PRR16: variants seen among roughly 807,000 people sequenced by gnomAD.
The protein encoded by PRR16 is proline rich 16, also known as protein Largen.
Under a neutral mutation model 18.2 loss-of-function variants are expected in PRR16, and 6 were observed. That is an observed-to-expected ratio of 0.33 (90% confidence interval 0.18 to 0.65). The LOEUF (loss-of-function observed/expected upper bound fraction) is 0.65. PRR16 is among the 30% of genes least tolerant of loss of function. PRR16 has a pLI of 0.74. For synonymous variants in PRR16, 151 were observed against 147.8 expected (o/e 1.02, Z -0.16); for missense variants, 412 against 376.6 (o/e 1.09, Z -0.78).
At chr5:120,765,420 T>G in the PRR16 span, among the ~76,000 whole-genome samples, 4 of 152,050 alleles carry the variant, frequency 2.6e-5, no homozygotes, top group African/African-American at 9.7e-5. Context: ...ATAAATCAGC[T>G]TAAGCAGATT....
chr5:120,473,495 A>G (rs1010781232), intron 1 of PRR16, among the ~76,000 whole-genome samples: 1 of 152,130 alleles, frequency 6.6e-6, no homozygotes. Context: ...GGCGATAGTG[A>G]CAGTGTTATG....
At chr5:120,635,613 A>G (rs1755201414) in intron 1 of PRR16, among the ~76,000 whole-genome samples, 1 of 152,182 alleles carries the variant, frequency 6.6e-6, no homozygotes, top group Non-Finnish European at 1.5e-5. Flanking sequence ...CAGAAGGGAC[A>G]TACCTTAAGG....
chr5:120,733,887 T>C, the PRR16 span, among the ~76,000 whole-genome samples: 1 of 152,228 alleles, frequency 6.6e-6, no homozygotes, highest in African/African-American at 2.4e-5. Context: ...GTAAAATGTT[T>C]TTACTATACT....
At chr5:120,518,364 AAT>A in intron 1 of PRR16, among the ~76,000 whole-genome samples, 1 of 152,110 alleles carries the variant, frequency 6.6e-6, no homozygotes, top group Admixed American at 6.5e-5. Context: ...GTAGGAGACA[AAT>A]TATGATAACT....
the PRR16 span, among the ~76,000 whole-genome samples, chr5:120,738,286 T>C: frequency 6.6e-6 from 1 of 152,116 alleles, no homozygotes; most frequent in Admixed American, 6.5e-5. Flanking sequence ...TTGATTTTAT[T>C]GAATAAAGTT....
chr5:120,702,869 G>A, the PRR16 span, among the ~76,000 whole-genome samples: 1 of 152,192 alleles, frequency 6.6e-6, no homozygotes, highest in African/African-American at 2.4e-5. Flanking sequence ...ACCTGAGGTT[G>A]TAGGTGGATC....
chr5:120,499,878 T>A (rs536569631), intron 1 of PRR16, among the ~76,000 whole-genome samples: 1 of 152,120 alleles, frequency 6.6e-6, no homozygotes, highest in African/African-American at 2.4e-5. Context: ...CGGAAGGTGG[T>A]GTAACATGTC....
Position 120,677,905 on chromosome 5 carries a change from C to CTTTTTTTTTTTTT in PRR16, c.160-8039_160-8027dup, listed in dbSNP as rs386404833. ...ACTAAACTGCTTTTTCTTTTTCTTT[C>CTTTTTTTTTTTTT]TTTTTTTTTTTTTTTTTTTTTTGAG... On this transcript the variant is annotated intron_variant, in intron 1 of 1. Coordinates refer to ENST00000407149, the MANE Select transcript of PRR16 (RefSeq NM_001300783.2). 6.5e-4 allele frequency among the ~76,000 whole-genome samples: 61 copies of CTTTTTTTTTTTTT among 93,212 alleles called. 1 individual carries two copies. Among genetic ancestry groups the CTTTTTTTTTTTTT allele is most frequent in the East Asian group, 1.7e-3 (5 of 2,912 alleles). The allele number at this position is 93,212 out of a possible 152,430, so 61.2% of individuals were successfully genotyped here.
intron 1 of PRR16, among the ~76,000 whole-genome samples, chr5:120,480,011 C>T (rs1749558239): frequency 6.6e-6 from 1 of 152,162 alleles, no homozygotes; most frequent in South Asian, 2.1e-4. Context: ...AAATTCAAAA[C>T]TAGACATACA....
In PRR16 at chr5:120,498,162, T is replaced by G. The variant is rs1323222482; in HGVS notation, c.159+33517T>G. On this transcript the variant is annotated intron_variant, in intron 1 of 1. Coordinates refer to ENST00000407149, the MANE Select transcript of PRR16 (RefSeq NM_001300783.2). ...ACTTGAAAATTTTTAGAAGTTTATT[T>G]TTACTTATTATTTAGAGATCTATTT... is the stretch of plus-strand genomic sequence containing the variant. Among the ~76,000 whole-genome samples, 4 of 151,404 alleles carry G rather than the reference T, an allele frequency of 2.6e-5. No homozygotes were observed. In the East Asian group the frequency reaches 7.8e-4, roughly 29 times the overall value.
intron 1 of PRR16, among the ~76,000 whole-genome samples, chr5:120,647,782 C>T (rs1450662672): frequency 6.6e-6 from 1 of 152,040 alleles, no homozygotes; most frequent in Non-Finnish European, 1.5e-5. Flanking sequence ...TGTCAAGCCT[C>T]ATCTTCATGC....
chr5:120,745,811 G>A, the PRR16 span, among the ~76,000 whole-genome samples: 1 of 151,120 alleles, frequency 6.6e-6, no homozygotes, highest in Non-Finnish European at 1.5e-5. Context: ...TGATTCTCCT[G>A]CCTCAGCCTC....
At chr5:120,566,519 G>T (rs1412626820) in intron 1 of PRR16, among the ~76,000 whole-genome samples, 2 of 152,086 alleles carry the variant, frequency 1.3e-5, no homozygotes, top group East Asian at 3.9e-4. Flanking sequence ...GAATTTATTG[G>T]TCCCACAACT....
chr5:120,499,029 G>A (rs994560267), intron 1 of PRR16, among the ~76,000 whole-genome samples: 3 of 150,656 alleles, frequency 2.0e-5, no homozygotes, highest in Non-Finnish European at 4.4e-5. Flanking sequence ...CCTATTTGGG[G>A]TTTTCTCAGT....
At chr5:120,709,086 C>A in the PRR16 span, among the ~76,000 whole-genome samples, 2 of 129,994 alleles carry the variant, frequency 1.5e-5, no homozygotes, top group Non-Finnish European at 3.1e-5. Flanking sequence ...CGGCTCACTG[C>A]AAGCTCCAGC....
intron 1 of PRR16, among the ~76,000 whole-genome samples, chr5:120,633,277 A>T (rs1042521488): frequency 6.6e-6 from 1 of 152,196 alleles, no homozygotes; most frequent in Non-Finnish European, 1.5e-5. Context: ...TAAAGCATAA[A>T]TCTCACAGGA....
chr5:120,609,182 T>TG (rs1754254415), intron 1 of PRR16, among the ~76,000 whole-genome samples: 1 of 152,264 alleles, frequency 6.6e-6, no homozygotes, highest in African/African-American at 2.4e-5. Flanking sequence ...GCATTATTAA[T>TG]TTTTAAAAAT....
the PRR16 span, among the ~76,000 whole-genome samples, chr5:120,706,948 T>C: frequency 6.6e-6 from 1 of 152,172 alleles, no homozygotes; most frequent in Non-Finnish European, 1.5e-5. Context: ...GACACTGGGA[T>C]ATAGGGACAT....
At chr5:120,696,154 A>G in the PRR16 span, among the ~76,000 whole-genome samples, 116 of 152,188 alleles carry the variant, frequency 7.6e-4, no homozygotes, top group African/African-American at 2.7e-3. Context: ...AGGCAGGAGG[A>G]TAGTGTGAAC....
Sources: gnomAD v4.1 joint callset for allele counts (sites outside exome capture counted in the v4.1 genomes callset) on GRCh38, gnomAD v4.1.1 for gene constraint, MANE v1.5 for transcripts, NCBI Gene and HGNC (gene_info 2026-07-23, HGNC 2026-07-21) for gene names.